Variants in TNPO3 observed in about 807,000 individuals in gnomAD.
TNPO3 encodes the protein transportin-3.
Under a neutral mutation model 122.8 loss-of-function variants are expected in TNPO3, and 65 were observed. The observed-to-expected ratio is 0.53, with a 90% CI of 0.43 to 0.65. The LOEUF is 0.65. TNPO3 is among the 30% of genes least tolerant of loss of function. The pLI, the probability that TNPO3 is intolerant of heterozygous loss-of-function variation, is 0.00. For synonymous variants in TNPO3, 372 were observed against 411.2 expected, an observed-to-expected ratio of 0.90 and a Z score of 1.15; for missense variants, 850 against 1,136.7, an observed-to-expected ratio of 0.75 and a Z score of 3.63.
intron 1 of TNPO3, 40 bp downstream of exon 1, chr7:129,054,611 C>T: frequency 1.9e-6 from 3 of 1,610,236 alleles, no homozygotes; most frequent in Non-Finnish European, 2.5e-6. Flanking sequence ...CCACCCCGCC[C>T]CGGCCGTGCG....
At chr7:128,990,568 A>G (rs2150349893) in intron 10 of TNPO3, among the ~76,000 whole-genome samples, 1 of 152,370 alleles carries the variant, frequency 6.6e-6, no homozygotes, top group South Asian at 2.1e-4. Flanking sequence ...TTTGCTCCAA[A>G]AGATTTCTTA....
chr7:129,001,273 T>C (rs1404083936), intron 5 of TNPO3, 39 bp from the exon 6 acceptor site: 1 of 1,575,656 alleles, frequency 6.3e-7, no homozygotes, highest in Non-Finnish European at 8.7e-7. Context: ...AGAAGTATGA[T>C]CACTAAGGAG....
At chr7:128,980,464 C>T (rs938557958) in intron 14 of TNPO3, among the ~76,000 whole-genome samples, 20 of 152,040 alleles carry the variant, frequency 1.3e-4, no homozygotes, top group Non-Finnish European at 2.4e-4. Context: ...AAAAATAAGC[C>T]GGGCGTGGTG....
At chr7:129,046,865 A>G (rs972662962) in intron 1 of TNPO3, among the ~76,000 whole-genome samples, 1 of 152,180 alleles carries the variant, frequency 6.6e-6, no homozygotes, top group African/African-American at 2.4e-5. Context: ...AGACTTATTC[A>G]CTACCACAAG....
chr7:128,967,815 G>A (rs188296558), intron 20 of TNPO3, among the ~76,000 whole-genome samples: 2 of 152,192 alleles, frequency 1.3e-5, no homozygotes, highest in East Asian at 3.9e-4. Context: ...CCAGGCTGGC[G>A]TGCAGTGCAC....
chr7:128,990,184 A>T (rs1800605329), intron 10 of TNPO3, 84 bp from the exon 11 acceptor site: 2 of 1,422,858 alleles, frequency 1.4e-6, no homozygotes, highest in South Asian at 2.3e-5. Flanking sequence ...GACACACAGC[A>T]TTGCTAAAGG....
At chr7:128,991,934 AAT>A (rs1317324608) in intron 10 of TNPO3, 63 bp downstream of exon 10, 4 of 1,188,394 alleles carry the variant, frequency 3.4e-6, no homozygotes, top group African/African-American at 1.6e-5. Context: ...AGAAAAAAAA[AAT>A]AGTGTCATTT....
chr7:128,971,833 CA>C (rs1249739022), intron 19 of TNPO3, among the ~76,000 whole-genome samples: 1 of 152,140 alleles, frequency 6.6e-6, no homozygotes, highest in Admixed American at 6.5e-5. Context: ...AAAGTTATTC[CA>C]ACTCTTTTTG....
chr7:128,967,483 C>T (rs904038402), intron 20 of TNPO3, 91 bp from the exon 21 acceptor site: 37 of 803,264 alleles, frequency 4.6e-5, no homozygotes, highest in African/African-American at 1.2e-4. Flanking sequence ...CACAAATTTT[C>T]CTTAGTAGCA....
At chr7:129,037,568 TACTC>T (rs986094328) in intron 1 of TNPO3, among the ~76,000 whole-genome samples, 4 of 152,086 alleles carry the variant, frequency 2.6e-5, no homozygotes, top group African/African-American at 4.8e-5. Flanking sequence ...GCAGACCAGA[TACTC>T]AAGAGAAAGA....
intron 18 of TNPO3, among the ~76,000 whole-genome samples, chr7:128,974,290 CTTT>C (rs200157873): frequency 5.4e-4 from 69 of 128,232 alleles, no homozygotes; most frequent in Non-Finnish European, 6.7e-4. Flanking sequence ...AATGATTTTT[CTTT>C]TTTTTTTTTT....
Position 129,005,140 on chromosome 7 carries a change from G to A in TNPO3, c.572C>T (p.Ala191Val). 1 of 1,613,534 alleles carries A rather than the reference G, an allele frequency of 6.2e-7. No individual in the cohort carries two copies. The highest frequency in any genetic ancestry group is 8.5e-7 in the Non-Finnish European group (1 of 1,179,812). The change falls in exon 5 of 23, where the codon GCA becomes GTA. Residue 191 changes from alanine to valine, a missense_variant. Coordinates refer to ENST00000265388, the MANE Select transcript of TNPO3 (RefSeq NM_012470.4). ...CATAAGCATTTTCTCATCTGTTCCTGCTTTTTCTACACAGGTCATCTGAAT... is the reference window on the plus strand; with the variant it reads ...CATAAGCATTTTCTCATCTGTTCCTACTTTTTCTACACAGGTCATCTGAAT... ...VSLLMTCVEK[A>V]GTDEKMLMKV...
upstream of TNPO3, chr7:129,055,904 G>A: frequency 1.6e-6 from 1 of 620,390 alleles, no homozygotes; most frequent in South Asian, 1.9e-5. Context: ...TGATCACAAT[G>A]TGTAAAACAC....
chr7:128,986,390 C>T (rs1800151148), intron 12 of TNPO3, among the ~76,000 whole-genome samples: 1 of 152,222 alleles, frequency 6.6e-6, no homozygotes, highest in Non-Finnish European at 1.5e-5. Context: ...CCATTTACCT[C>T]TTTGGTATGG....
chr7:129,026,842 G>C (rs908513533), intron 1 of TNPO3, among the ~76,000 whole-genome samples: 1 of 152,160 alleles, frequency 6.6e-6, no homozygotes, highest in Non-Finnish European at 1.5e-5. Flanking sequence ...ACTCAGGCTG[G>C]AGGGCAGTGG....
intron 10 of TNPO3, 59 bp downstream of exon 10, chr7:128,991,940 G>T: frequency 8.2e-7 from 1 of 1,225,028 alleles, no homozygotes; most frequent in Non-Finnish European, 1.2e-6. Flanking sequence ...AAAAAATAGT[G>T]TCATTTTCCT....
chr7:129,000,270 T>C (rs886558654), intron 7 of TNPO3, among the ~76,000 whole-genome samples, 159 bp downstream of exon 7: 1 of 152,172 alleles, frequency 6.6e-6, no homozygotes, highest in Admixed American at 6.5e-5. Flanking sequence ...AACCCAAATA[T>C]AATTTTTTTA....
chr7:129,028,487 A>G (rs538032696), intron 1 of TNPO3, among the ~76,000 whole-genome samples: 1 of 152,344 alleles, frequency 6.6e-6, no homozygotes, highest in African/African-American at 2.4e-5. Context: ...AAAGCTAGCA[A>G]AAAGAAGGAA....
intron 8 of TNPO3, 60 bp from the exon 9 acceptor site, chr7:128,993,974 A>G: frequency 6.9e-7 from 1 of 1,440,616 alleles, no homozygotes; most frequent in Non-Finnish European, 9.6e-7. Flanking sequence ...AATGACCTCT[A>G]TAAAATCAAG....
Sources: gnomAD v4.1 joint callset for allele counts (sites outside exome capture counted in the v4.1 genomes callset) on GRCh38, gnomAD v4.1.1 for gene constraint, MANE v1.5 for transcripts, NCBI Gene and HGNC (gene_info 2026-07-23, HGNC 2026-07-21) for gene names.